ZFAT: variants seen among roughly 807,000 people sequenced by gnomAD.
The protein encoded by ZFAT is zinc finger protein ZFAT.
In ZFAT, 64 loss-of-function variants were observed where a neutral mutation model predicts 117.7. The observed-to-expected ratio is 0.54, with a 90% CI of 0.44 to 0.67. ZFAT has a LOEUF of 0.67. ZFAT is among the 30% of genes least tolerant of loss of function. ZFAT has a pLI of 0.00. For synonymous variants in ZFAT, 679 were observed against 615.0 expected, an observed-to-expected ratio of 1.10 and a Z score of -1.54; for missense variants, 1,433 against 1,584.5, an observed-to-expected ratio of 0.90 and a Z score of 1.62.
At chr8:134,758,442 T>C in the ZFAT span, among the ~76,000 whole-genome samples, 2 of 152,256 alleles carry the variant, frequency 1.3e-5, no homozygotes, top group East Asian at 3.8e-4. Flanking sequence ...CTGTGCTTAG[T>C]TTAAGAGTCA....
In ZFAT at chr8:134,588,382, G is replaced by A; in HGVS notation, c.2577C>T (p.Ser859=). 1 of 1,587,512 alleles carries A rather than the reference G, an allele frequency of 6.3e-7. No individual in the cohort carries two copies. The change falls in exon 9 of 16, where the codon AGC becomes AGT. Residue 859 remains serine, a synonymous_variant. Coordinates refer to ENST00000377838, the MANE Select transcript of ZFAT (RefSeq NM_020863.4). ...TCCTCCCGAGAACCTCAGAAATGGTGCTCATGGAGACCTCTAGAAGAAAAG... is the reference window on the plus strand; with the variant it reads ...TCCTCCCGAGAACCTCAGAAATGGTACTCATGGAGACCTCTAGAAGAAAAG... ...IKTNHPEVSM[S]TISEVLGRRV...
chr8:134,634,548 C>T (rs1379577432), intron 3 of ZFAT, among the ~76,000 whole-genome samples: 1 of 152,040 alleles, frequency 6.6e-6, no homozygotes, highest in African/African-American at 2.4e-5. Flanking sequence ...ATTTATCCTA[C>T]AAAAATCATA....
intron 3 of ZFAT, among the ~76,000 whole-genome samples, chr8:134,617,543 G>A (rs964231220): frequency 2.0e-5 from 3 of 152,292 alleles, no homozygotes; most frequent in Middle Eastern, 3.4e-3. Flanking sequence ...TGTAGACTCA[G>A]GGACCCCAAG....
At chr8:134,757,869 C>G in the ZFAT span, among the ~76,000 whole-genome samples, 1 of 152,136 alleles carries the variant, frequency 6.6e-6, no homozygotes, top group Non-Finnish European at 1.5e-5. Flanking sequence ...GGGAACAGCT[C>G]TCTTGGCAAT....
chr8:134,602,594 G>A lies in ZFAT; in HGVS notation c.1125C>T (p.Asp375=), dbSNP rs375484784. The A allele has an allele frequency of 1.8e-5, 29 of 1,614,138 alleles. No individual in the cohort carries two copies. The highest frequency in any genetic ancestry group is 4.0e-5 in the African/African-American group (3 of 75,068). ...DVKNLIKHIR[D]AHDPQDKKVK... ...CCTTCTTGTCCTGTGGGTCATGCGC[G>A]TCTCGGATGTGCTTGATGAGGTTCT... The change falls in exon 6 of 16, where the codon GAC becomes GAT. Residue 375 remains aspartate (D), a synonymous_variant. Coordinates refer to ENST00000377838, the MANE Select transcript of ZFAT (RefSeq NM_020863.4).
At chr8:134,510,005 G>C (rs1462210677) in intron 14 of ZFAT, 18 of 502,448 alleles carry the variant, frequency 3.6e-5, no homozygotes, top group Non-Finnish European at 5.8e-5. Flanking sequence ...GCATTTTGTA[G>C]AAGCCTCATT....
the ZFAT span, among the ~76,000 whole-genome samples, chr8:134,757,470 G>A: frequency 7.5e-3 from 1,135 of 152,254 alleles, 14 homozygotes; most frequent in African/African-American, 0.025. Flanking sequence ...TGGGATTTTA[G>A]GGATGAACTA....
At chr8:134,696,623 C>T (rs1481825451) in intron 1 of ZFAT, 4 of 985,848 alleles carry the variant, frequency 4.1e-6, no homozygotes, top group Non-Finnish European at 4.8e-6. Context: ...CTCTCCAATA[C>T]AGCCACAGCC....
the ZFAT span, among the ~76,000 whole-genome samples, chr8:134,747,816 A>G: frequency 1.3e-5 from 2 of 152,116 alleles, no homozygotes; most frequent in African/African-American, 2.4e-5. Context: ...AGGCATCATC[A>G]TCATATTACC....
At chr8:134,563,035 T>C (rs1278342443) in intron 11 of ZFAT, among the ~76,000 whole-genome samples, 1 of 152,224 alleles carries the variant, frequency 6.6e-6, no homozygotes, top group Non-Finnish European at 1.5e-5. Context: ...AAAGTGAAAT[T>C]TGCCTTAGCT....
chr8:134,501,680 G>A (rs2130278247), intron 15 of ZFAT, among the ~76,000 whole-genome samples: 1 of 152,292 alleles, frequency 6.6e-6, no homozygotes, highest in Non-Finnish European at 1.5e-5. Context: ...GGGGAAAGGT[G>A]AGTGGAAAGA....
intron 10 of ZFAT, among the ~76,000 whole-genome samples, chr8:134,574,417 G>A (rs1397708555): frequency 2.0e-5 from 3 of 151,844 alleles, no homozygotes; most frequent in East Asian, 1.9e-4. Context: ...CAGTATGTGC[G>A]GCACCTGTTG....
intron 15 of ZFAT, among the ~76,000 whole-genome samples, chr8:134,498,086 T>G (rs71512347): frequency 0.29 from 3,600 of 12,398 alleles, 597 homozygotes; most frequent in East Asian, 0.36. Flanking sequence ...GGGAGGGTTG[T>G]GGTGGAGCTG....
intron 15 of ZFAT, among the ~76,000 whole-genome samples, chr8:134,499,863 G>C (rs1818837967): frequency 6.6e-6 from 1 of 152,238 alleles, no homozygotes; most frequent in South Asian, 2.1e-4. Context: ...ACGTCCGGTG[G>C]GAGAGGCAAG....
chr8:134,652,615 A>T (rs1254559541), intron 2 of ZFAT, among the ~76,000 whole-genome samples: 2 of 152,242 alleles, frequency 1.3e-5, no homozygotes, highest in African/African-American at 4.8e-5. Flanking sequence ...AAACAAAAAC[A>T]TAGACAACTG....
the ZFAT span, among the ~76,000 whole-genome samples, chr8:134,724,894 TTCTCA>T: frequency 6.6e-6 from 1 of 152,104 alleles, no homozygotes; most frequent in Non-Finnish European, 1.5e-5. Flanking sequence ...GTCCAAGCAG[TTCTCA>T]CCCATGGAAG....
At chr8:134,815,153 G>A in the ZFAT span, among the ~76,000 whole-genome samples, 4 of 152,128 alleles carry the variant, frequency 2.6e-5, no homozygotes, top group African/African-American at 7.2e-5. Context: ...CATCATGCTC[G>A]TATCTGAAAC....
chr8:134,619,805 C>T (rs1045406050), intron 3 of ZFAT, among the ~76,000 whole-genome samples: 3 of 152,218 alleles, frequency 2.0e-5, no homozygotes, highest in African/African-American at 7.2e-5. Context: ...TGCTCCCAAG[C>T]CCCTTATAAA....
At chr8:134,512,802 T>G (rs1407960334) in intron 13 of ZFAT, among the ~76,000 whole-genome samples, 1 of 152,242 alleles carries the variant, frequency 6.6e-6, no homozygotes, top group Non-Finnish European at 1.5e-5. Context: ...TCAAGACCTT[T>G]AAAAACTAGC....
Sources: gnomAD v4.1 joint callset for allele counts (sites outside exome capture counted in the v4.1 genomes callset) on GRCh38, gnomAD v4.1.1 for gene constraint, MANE v1.5 for transcripts, NCBI Gene and HGNC (gene_info 2026-07-23, HGNC 2026-07-21) for gene names.